Variants in PIK3C2A observed in about 807,000 individuals in gnomAD.
The protein encoded by PIK3C2A is phosphatidylinositol 4-phosphate 3-kinase C2 domain-containing subunit alpha.
Under a neutral mutation model 204.5 loss-of-function variants are expected in PIK3C2A, and 97 were observed. The observed-to-expected ratio is 0.47, with a 90% confidence interval of 0.40 to 0.56. The LOEUF is 0.56. Ranked by LOEUF, PIK3C2A falls within the 20% of genes least tolerant of loss-of-function variation. The probability of loss-of-function intolerance (pLI) is 0.00; values close to 1 mark genes in which losing one functional copy is unlikely to be tolerated. For synonymous variants in PIK3C2A, 653 were observed against 664.4 expected, an observed-to-expected ratio of 0.98 and a Z score of 0.26; for missense variants, 1,735 against 1,969.2, an observed-to-expected ratio of 0.88 and a Z score of 2.25.
At chr11:17,099,741 GA>G in intron 26 of PIK3C2A, 118 bp downstream of exon 26, 1 of 542,676 alleles carries the variant, frequency 1.8e-6, no homozygotes. Flanking sequence ...CAATTACTAT[GA>G]ATCAGAATTT....
At chr11:17,201,238 C>T (rs1852361616) in intron 1 of PIK3C2A, among the ~76,000 whole-genome samples, 2 of 149,898 alleles carry the variant, frequency 1.3e-5, no homozygotes, top group South Asian at 2.1e-4. Context: ...CCTTGAAAAC[C>T]CCTCCCTAGG....
intron 1 of PIK3C2A, chr11:17,193,527 C>A: frequency 2.2e-6 from 1 of 445,568 alleles, no homozygotes; most frequent in Admixed American, 2.4e-5. Context: ...ACAACATTCC[C>A]GAAAATGGCA....
In PIK3C2A at chr11:17,112,682, G is replaced by A; in HGVS notation, c.3322-16C>T. 2.3e-6 allele frequency: 3 copies of A among 1,323,488 alleles called. No homozygotes were observed. Among genetic ancestry groups the A allele is most frequent in the Non-Finnish European group, 3.1e-6 (3 of 965,502 alleles). 82.0% of individuals were successfully genotyped at this position (1,323,488 alleles called of 1,614,324 possible). A position where few individuals can be genotyped will look rare whatever the true frequency, so the allele number is the denominator to read the frequency against. On this transcript the variant is annotated splice_polypyrimidine_tract_variant and intron_variant, in intron 20 of 32. Coordinates refer to ENST00000691414, the MANE Select transcript of PIK3C2A (RefSeq NM_002645.4). The stretch of plus-strand genomic sequence containing the variant: ...AGGAACACGACTGCAAATACAACAT[G>A]TTAAGCATTAGAAAGATAAATGAAA...
intron 27 of PIK3C2A, among the ~76,000 whole-genome samples, chr11:17,096,189 C>G (rs568902787): frequency 1.3e-5 from 2 of 151,972 alleles, no homozygotes; most frequent in Non-Finnish European, 2.9e-5. Flanking sequence ...CAGACACATG[C>G]CACCACATCC....
chr11:17,179,185 A>G, intron 1 of PIK3C2A, among the ~76,000 whole-genome samples: 1 of 152,020 alleles, frequency 6.6e-6, no homozygotes, highest in Non-Finnish European at 1.5e-5. Context: ...TTTTGAAGAC[A>G]GGGTCTAGCT....
chr11:17,196,735 A>G (rs1440042265), intron 1 of PIK3C2A, among the ~76,000 whole-genome samples: 2 of 151,846 alleles, frequency 1.3e-5, no homozygotes, highest in Non-Finnish European at 2.9e-5. Context: ...ACGCTTGACT[A>G]ATTTTTCTGT....
chr11:17,153,532 A>G (rs1850487219), intron 3 of PIK3C2A, among the ~76,000 whole-genome samples: 1 of 152,182 alleles, frequency 6.6e-6, no homozygotes, highest in East Asian at 1.9e-4. Flanking sequence ...AAATAGGACA[A>G]AAAACTCAGT....
At position 17,101,736 on chromosome 11, in the gene PIK3C2A, C is replaced by T. The variant is rs371892227; in HGVS notation, c.3852-302G>A. On this transcript the variant is annotated intron_variant, in intron 24 of 32. Coordinates refer to ENST00000691414, the MANE Select transcript of PIK3C2A (RefSeq NM_002645.4). Reference sequence around the variant, plus strand: ...CTCCTGCCTCAGCCTCCCGAGTAGCCGGGACCACAGGGGCCCGCCACCACG... The same window carrying T: ...CTCCTGCCTCAGCCTCCCGAGTAGCTGGGACCACAGGGGCCCGCCACCACG... Among the ~76,000 whole-genome samples, 22 of 151,560 alleles carry T rather than the reference C, an allele frequency of 1.5e-4. 1 individual carries two copies. The highest frequency in any genetic ancestry group is 7.8e-4 in the East Asian group (4 of 5,108).
intron 30 of PIK3C2A, 76 bp from the exon 31 acceptor site, chr11:17,091,732 T>C: frequency 1.0e-6 from 1 of 985,730 alleles, no homozygotes; most frequent in Non-Finnish European, 1.5e-6. Flanking sequence ...TTTGCTTTAT[T>C]TTCAAGACTG....
At chr11:17,174,326 G>A (rs12788079) in intron 1 of PIK3C2A, among the ~76,000 whole-genome samples, 50,522 of 103,168 alleles carry the variant, frequency 0.49, 13,641 homozygotes, top group East Asian at 0.77. Context: ...GGTGGCTCAC[G>A]CCTGTAATCC....
chr11:17,136,609 A>C lies in PIK3C2A; in HGVS notation c.1721T>G (p.Val574Gly). 1 of 1,582,606 alleles carries C rather than the reference A, an allele frequency of 6.3e-7. No individual in the cohort carries two copies. The change falls in exon 9 of 33, where the codon GTA becomes GGA. Residue 574 changes from valine (V) to glycine (G), a missense_variant. This residue lies in a region of PIK3C2A where 106 missense variants were observed against 108.2 expected (regional missense o/e 0.98). Coordinates refer to ENST00000691414, the MANE Select transcript of PIK3C2A (RefSeq NM_002645.4). ...TCTTACAGCTTTAATTACTTGATCT[A>C]CTGCTCGGTGTTGGTTCTTTAAAAA... Reference protein sequence around the residue: ...ALQIENQHRAVDQVIKAVRKI... With the variant: ...ALQIENQHRAGDQVIKAVRKI...
chr11:17,192,446 GA>G (rs976174632), intron 1 of PIK3C2A, among the ~76,000 whole-genome samples: 22 of 152,156 alleles, frequency 1.4e-4, no homozygotes, highest in African/African-American at 5.3e-4. Context: ...CCCCACAAAA[GA>G]ACTGTATTTT....
chr11:17,136,714 T>C (rs915192360), intron 8 of PIK3C2A, 89 bp from the exon 9 acceptor site: 3 of 655,102 alleles, frequency 4.6e-6, no homozygotes, highest in Non-Finnish European at 7.7e-6. Flanking sequence ...ATATCTTAGA[T>C]ATCCCTAACA....
In PIK3C2A at chr11:17,160,641, T is replaced by C. The variant is rs538572361; in HGVS notation, c.1066-5012A>G. Among the ~76,000 whole-genome samples, 27 of 152,034 alleles carry C rather than the reference T, an allele frequency of 1.8e-4. No homozygotes were observed. The South Asian group carries it at 3.9e-3, about 22-fold the overall frequency. On this transcript the variant is annotated intron_variant, in intron 2 of 32. Transcript: ENST00000691414. ...GAGATGGAGACCAGCCTAGGCAACA[T>C]AGTGAAACCCCATCTCTACACAATA...
intron 1 of PIK3C2A, among the ~76,000 whole-genome samples, chr11:17,176,653 GA>G (rs1298708328): frequency 6.6e-6 from 1 of 151,920 alleles, no homozygotes. Flanking sequence ...GGATGTGTTG[GA>G]GCATGCCTGT....
intron 22 of PIK3C2A, among the ~76,000 whole-genome samples, chr11:17,107,591 A>T (rs1224739424): frequency 6.6e-6 from 1 of 152,216 alleles, no homozygotes; most frequent in South Asian, 2.1e-4. Context: ...GAAAACGAAC[A>T]TTTACTTTTC....
intron 1 of PIK3C2A, among the ~76,000 whole-genome samples, chr11:17,184,570 AG>A (rs1851688885): frequency 6.6e-6 from 1 of 152,184 alleles, no homozygotes; most frequent in Non-Finnish European, 1.5e-5. Flanking sequence ...CAAAAGCGTC[AG>A]AAGTTAAAAA....
chr11:17,124,449 T>C (rs1849456597), intron 13 of PIK3C2A, among the ~76,000 whole-genome samples: 1 of 151,212 alleles, frequency 6.6e-6, no homozygotes. Context: ...ACACTTGCAT[T>C]TGGATGTCTT....
At chr11:17,181,388 AT>A (rs1396739745) in intron 1 of PIK3C2A, among the ~76,000 whole-genome samples, 1 of 151,470 alleles carries the variant, frequency 6.6e-6, no homozygotes, top group African/African-American at 2.4e-5. Context: ...ATGGAATTCT[AT>A]ATAGCAATGC....
Sources: gnomAD v4.1 joint callset for allele counts (sites outside exome capture counted in the v4.1 genomes callset) on GRCh38, gnomAD v4.1.1 for gene constraint, gnomAD v4.1.1 regional missense constraint, MANE v1.5 for transcripts, NCBI Gene and HGNC (gene_info 2026-07-23, HGNC 2026-07-21) for gene names.